PARD3B: variants seen among roughly 807,000 people sequenced by gnomAD.
PARD3B encodes partitioning defective 3 homolog B.
Under a neutral mutation model 130.2 loss-of-function variants are expected in PARD3B, and 103 were observed. The observed-to-expected ratio is 0.79, with a 90% CI of 0.67 to 0.93. The LOEUF (loss-of-function observed/expected upper bound fraction) is 0.93, where lower values mean the gene tolerates loss of function less well. Among genes scored for constraint, PARD3B ranks in the 40% least tolerant of loss-of-function variants. The pLI is 0.00. For missense variants in PARD3B, 1,609 were observed against 1,499.2 expected (o/e 1.07, Z -1.21); for synonymous variants, 583 against 553.2 (o/e 1.05, Z -0.76).
rs763483648 is a variant in PARD3B at position 205,525,776 on chromosome 2, G to A, written c.3180+25745G>A. 2.0e-5 allele frequency among the ~76,000 whole-genome samples: 3 copies of A among 152,086 alleles called. No homozygotes were observed. Among genetic ancestry groups the A allele is most frequent in the African/African-American group, 4.8e-5 (2 of 41,406 alleles). On this transcript the variant is annotated intron_variant, in intron 21 of 22. Coordinates refer to ENST00000406610, the MANE Select transcript of PARD3B (RefSeq NM_001302769.2). The surrounding 1 kb of genome is among the most constrained non-coding windows in gnomAD (Gnocchi z 4.2). The stretch of plus-strand genomic sequence containing the variant: ...ACAAGTCCAGCTCAATGAGAATCTC[G>A]ACAAAGGGCCTGACTCTCTCCCCTT...
At chr2:205,137,156 A>G (rs973109153) in intron 10 of PARD3B, among the ~76,000 whole-genome samples, 21 of 152,226 alleles carry the variant, frequency 1.4e-4, no homozygotes, top group Non-Finnish European at 1.5e-5. Context: ...TAATAAGGAC[A>G]TAAAAGTTAT....
intron 1 of PARD3B, among the ~76,000 whole-genome samples, chr2:204,568,724 G>A (rs1341292724): frequency 6.6e-6 from 1 of 152,182 alleles, no homozygotes; most frequent in Non-Finnish European, 1.5e-5. Context: ...GGAGGCCCAG[G>A]TGGATGGATC....
intron 2 of PARD3B, among the ~76,000 whole-genome samples, chr2:204,797,174 C>CA (rs1162381095): frequency 0.069 from 3,551 of 51,316 alleles, 149 homozygotes; most frequent in African/African-American, 0.095. Context: ...GACTCTGTCT[C>CA]AAAAAAAAAA....
intron 16 of PARD3B, among the ~76,000 whole-genome samples, chr2:205,246,247 T>A (rs2039566991): frequency 6.6e-6 from 1 of 151,050 alleles, no homozygotes; most frequent in Admixed American, 6.6e-5. Context: ...TTCTTTTTTT[T>A]TTTTCTGCCT....
chr2:205,392,269 A>G (rs2045886822), intron 18 of PARD3B, among the ~76,000 whole-genome samples: 1 of 152,164 alleles, frequency 6.6e-6, no homozygotes, highest in Non-Finnish European at 1.5e-5. Context: ...TTAATCCTAA[A>G]AACAAACATC....
intron 2 of PARD3B, among the ~76,000 whole-genome samples, chr2:204,892,712 A>C (rs2046495104): frequency 6.6e-6 from 1 of 152,144 alleles, no homozygotes; most frequent in Admixed American, 6.5e-5. Context: ...TGTATTGTGA[A>C]GGCAGCCTCA....
At chr2:204,834,068 C>T (rs1287693575) in intron 2 of PARD3B, among the ~76,000 whole-genome samples, 2 of 152,104 alleles carry the variant, frequency 1.3e-5, no homozygotes, top group Non-Finnish European at 2.9e-5. Context: ...CCCTTCTGCT[C>T]TCATATGCAA....
At chr2:205,359,738 G>A (rs931128341) in intron 18 of PARD3B, among the ~76,000 whole-genome samples, 6 of 151,812 alleles carry the variant, frequency 4.0e-5, no homozygotes, top group Non-Finnish European at 7.4e-5. Context: ...ACACAATTTT[G>A]TATCCTTTAA....
intron 4 of PARD3B, among the ~76,000 whole-genome samples, chr2:205,064,700 A>G (rs1045283272): frequency 6.6e-6 from 1 of 152,210 alleles, no homozygotes; most frequent in Non-Finnish European, 1.5e-5. Flanking sequence ...CCGTAAGTTC[A>G]GGGAAGAACT....
intron 20 of PARD3B, among the ~76,000 whole-genome samples, chr2:205,478,601 T>C (rs2049112573): frequency 1.3e-5 from 2 of 152,094 alleles, no homozygotes; most frequent in South Asian, 4.1e-4. Flanking sequence ...TTAGTCCTGC[T>C]CAAGATTTCA....
intron 4 of PARD3B, among the ~76,000 whole-genome samples, chr2:205,074,250 AT>A (rs1700906473): frequency 6.6e-6 from 1 of 152,204 alleles, no homozygotes; most frequent in Non-Finnish European, 1.5e-5. Flanking sequence ...AAACAAAGAC[AT>A]TAATTACAAA....
chr2:204,997,929 T>G (rs2125265679), intron 3 of PARD3B, among the ~76,000 whole-genome samples: 1 of 148,142 alleles, frequency 6.8e-6, no homozygotes, highest in Admixed American at 6.8e-5. Context: ...ATATACTTAA[T>G]ATTTTTATTT....
At chr2:205,045,342 G>A (rs141671870) in intron 3 of PARD3B, among the ~76,000 whole-genome samples, 176 of 151,554 alleles carry the variant, frequency 1.2e-3, no homozygotes, top group African/African-American at 4.1e-3. Context: ...TCCGCCTCCC[G>A]GGTTCAAGTG....
chr2:205,341,614 A>G lies in PARD3B; in HGVS notation c.2630+39913A>G, dbSNP rs766161354. Among the ~76,000 whole-genome samples the G allele has an allele frequency of 5.3e-5, 8 of 152,068 alleles. No homozygotes were observed. The highest frequency in any genetic ancestry group is 1.3e-4 in the Admixed American group (2 of 15,256). ...GGGAAGCATGGGGGAAGGAGAGGGT[A>G]GGGAGAGGTTGGTTAACAGACTCAA... On this transcript the variant is annotated intron_variant, in intron 18 of 22. Transcript: ENST00000406610. The surrounding 1 kb of genome is among the most constrained non-coding windows in gnomAD (Gnocchi z 4.3).
chr2:205,152,488 CT>C (rs2033826649), intron 10 of PARD3B, among the ~76,000 whole-genome samples: 1 of 151,896 alleles, frequency 6.6e-6, no homozygotes, highest in Non-Finnish European at 1.5e-5. Context: ...AAACTTCTCG[CT>C]TCATTTCATT....
At chr2:205,197,418 A>G (rs1485965493) in intron 15 of PARD3B, among the ~76,000 whole-genome samples, 1 of 152,172 alleles carries the variant, frequency 6.6e-6, no homozygotes, top group African/African-American at 2.4e-5. Flanking sequence ...ACAGATATGT[A>G]TATTAAACAC....
At chr2:204,582,998 G>T (rs1436414642) in intron 1 of PARD3B, among the ~76,000 whole-genome samples, 1 of 151,826 alleles carries the variant, frequency 6.6e-6, no homozygotes, top group Non-Finnish European at 1.5e-5. Flanking sequence ...AGGATGTGGA[G>T]AAATAGGAAC....
rs1235536744 is a variant in PARD3B, at chr2:205,489,497, G to GTATATA, written c.3045-10392_3045-10387dup. Among the ~76,000 whole-genome samples, 28 of 60,760 alleles carry GTATATA rather than the reference G, an allele frequency of 4.6e-4. No homozygotes were observed. In the South Asian group the frequency reaches 0.017, roughly 36 times the overall value. 39.9% of individuals were successfully genotyped at this position (60,760 alleles called of 152,430 possible). On this transcript the variant is annotated intron_variant, in intron 20 of 22. Coordinates refer to ENST00000406610, the MANE Select transcript of PARD3B (RefSeq NM_001302769.2). The stretch of plus-strand genomic sequence containing the variant: ...CCTCTAAATATACATATATATGTGT[G>GTATATA]TATATATATATACGTATATATATAT...
At chr2:205,410,370 G>A (rs1559067478) in intron 19 of PARD3B, among the ~76,000 whole-genome samples, 1 of 152,160 alleles carries the variant, frequency 6.6e-6, no homozygotes, top group Non-Finnish European at 1.5e-5. Context: ...TAGGTAGAAG[G>A]CTGTTTGGTG....
Sources: allele counts gnomAD v4.1 joint callset (sites outside exome capture counted in the v4.1 genomes callset), GRCh38; gene constraint gnomAD v4.1.1; non-coding constraint Gnocchi (gnomAD v3.1); transcripts MANE v1.5; gene names NCBI Gene and HGNC (gene_info 2026-07-23, HGNC 2026-07-21).